Variants in CDYL2 observed in about 807,000 individuals in gnomAD.
CDYL2 encodes chromodomain Y-like protein 2.
Under a neutral mutation model 49.4 loss-of-function variants are expected in CDYL2, and 23 were observed. The observed-to-expected ratio is 0.47, with a 90% CI of 0.34 to 0.66. The LOEUF (loss-of-function observed/expected upper bound fraction) is 0.66, where lower values mean the gene tolerates loss of function less well. CDYL2 is among the 30% of genes least tolerant of loss of function. The pLI, the probability that CDYL2 is intolerant of heterozygous loss-of-function variation, is 0.01. For synonymous variants in CDYL2, 360 were observed against 268.8 expected, an observed-to-expected ratio of 1.34 and a Z score of -3.32; for missense variants, 678 against 656.4, an observed-to-expected ratio of 1.03 and a Z score of -0.36.
In CDYL2 at chr16:80,748,951, A is replaced by G. The variant is rs188352310; in HGVS notation, c.24+55199T>C. On this transcript the variant is annotated intron_variant, in intron 1 of 6. Coordinates refer to ENST00000570137, the MANE Select transcript of CDYL2 (RefSeq NM_152342.4). ...GGCTAATTTTACATTCTTTCTGTAC[A>G]TGGTTGAATATTACCATCGAGAACA... Among the ~76,000 whole-genome samples, 60 of 152,348 alleles carry G rather than the reference A, an allele frequency of 3.9e-4. 1 individual carries two copies. The highest frequency in any genetic ancestry group is 3.5e-3 in the Admixed American group (54 of 15,308).
chr16:80,623,783 T>G (rs1907187442), intron 3 of CDYL2, among the ~76,000 whole-genome samples: 1 of 152,084 alleles, frequency 6.6e-6, no homozygotes, highest in East Asian at 1.9e-4. Flanking sequence ...AAGTCAGACT[T>G]TGGGGACCAT....
At chr16:80,711,195 G>A (rs948984907) in intron 1 of CDYL2, among the ~76,000 whole-genome samples, 7 of 152,206 alleles carry the variant, frequency 4.6e-5, no homozygotes, top group Admixed American at 1.3e-4. Context: ...TTCAAGCGGC[G>A]CTGTTACCAG....
At chr16:80,714,124 A>C (rs1458869315) in intron 1 of CDYL2, among the ~76,000 whole-genome samples, 4 of 152,208 alleles carry the variant, frequency 2.6e-5, no homozygotes, top group African/African-American at 9.7e-5. Context: ...GAATATTTAT[A>C]TATTCAAATG....
intron 1 of CDYL2, among the ~76,000 whole-genome samples, chr16:80,788,960 G>A (rs766777982): frequency 2.0e-5 from 3 of 152,062 alleles, no homozygotes; most frequent in African/African-American, 7.2e-5. Flanking sequence ...CTGGGCAAAG[G>A]ACATGACCAG....
chr16:80,662,525 C>A (rs997695394), intron 2 of CDYL2, among the ~76,000 whole-genome samples: 1 of 152,116 alleles, frequency 6.6e-6, no homozygotes, highest in Non-Finnish European at 1.5e-5. Flanking sequence ...TCATTCAGTA[C>A]ATACTTAGTG....
At chr16:80,659,330 A>G (rs1305212118) in intron 2 of CDYL2, among the ~76,000 whole-genome samples, 2 of 152,240 alleles carry the variant, frequency 1.3e-5, no homozygotes, top group East Asian at 1.9e-4. Flanking sequence ...TAAAGGCATC[A>G]TGGAATTCTA....
intron 2 of CDYL2, among the ~76,000 whole-genome samples, chr16:80,665,599 T>C (rs1449174458): frequency 1.3e-4 from 19 of 150,782 alleles, no homozygotes; most frequent in Admixed American, 9.9e-4. Context: ...AGGCCAGAGA[T>C]GGAGATGTCT....
chr16:80,604,370 C>T lies in CDYL2; in HGVS notation c.*18G>A, dbSNP rs1567535755. The T allele has an allele frequency of 1.2e-6, 2 of 1,613,544 alleles. No homozygotes were observed. The highest frequency in any genetic ancestry group is 1.7e-6 in the Non-Finnish European group (2 of 1,179,806). On this transcript the variant is annotated 3_prime_UTR_variant, in exon 7 of 7. Coordinates refer to ENST00000570137, the MANE Select transcript of CDYL2 (RefSeq NM_152342.4). The stretch of plus-strand genomic sequence containing the variant: ...ACAGGGCAGAGCTGGAAGTTGGGGG[C>T]CCGTGAGCTGGGGCCCCTCAGACTT...
intron 1 of CDYL2, among the ~76,000 whole-genome samples, chr16:80,722,846 C>T (rs1185918415): frequency 6.6e-6 from 1 of 152,168 alleles, no homozygotes; most frequent in Non-Finnish European, 1.5e-5. Flanking sequence ...TACCTGGTGC[C>T]CTAAGCTTCC....
intron 2 of CDYL2, among the ~76,000 whole-genome samples, chr16:80,657,177 AAAATT>A (rs1468856514): frequency 1.3e-5 from 2 of 152,264 alleles, no homozygotes; most frequent in African/African-American, 4.8e-5. Flanking sequence ...TACTCCAAAT[AAAATT>A]AAATTAACAT....
At chr16:80,744,268 G>C (rs147609125) in intron 1 of CDYL2, among the ~76,000 whole-genome samples, 124 of 152,196 alleles carry the variant, frequency 8.1e-4, no homozygotes, top group Middle Eastern at 3.4e-3. Context: ...CTGACATCCT[G>C]CTCCCTAGGC....
intron 1 of CDYL2, among the ~76,000 whole-genome samples, chr16:80,688,482 C>A (rs894268964): frequency 6.6e-6 from 1 of 152,130 alleles, no homozygotes; most frequent in African/African-American, 2.4e-5. Context: ...ATGGATGACT[C>A]CGATACATAT....
chr16:80,788,014 T>G (rs377590362), intron 1 of CDYL2, among the ~76,000 whole-genome samples: 1 of 152,038 alleles, frequency 6.6e-6, no homozygotes, highest in African/African-American at 2.4e-5. Flanking sequence ...TACATGGTAG[T>G]AAAGGAAAAG....
At position 80,738,280 on chromosome 16, in the gene CDYL2, G is replaced by C. The variant is rs572058457; in HGVS notation, c.25-53151C>G. 5.9e-5 allele frequency among the ~76,000 whole-genome samples: 9 copies of C among 152,216 alleles called. No individual in the cohort carries two copies. The South Asian group carries it at 1.2e-3, about 21-fold the overall frequency. ...CCAGTCTATCACTGGTGGGCATTCGGGTTGGTTACAAGTCTTTACTATTTT... is the reference window on the plus strand; with the variant it reads ...CCAGTCTATCACTGGTGGGCATTCGCGTTGGTTACAAGTCTTTACTATTTT... On this transcript the variant is annotated intron_variant, in intron 1 of 6. Transcript: ENST00000570137.
rs1342081611 is a variant in CDYL2, at chr16:80,625,640, C to T, written c.835-4705G>A. Among the ~76,000 whole-genome samples, 4 of 152,256 alleles carry T rather than the reference C, an allele frequency of 2.6e-5. No individual in the cohort carries two copies. The East Asian group carries it at 5.8e-4, about 22-fold the overall frequency. On this transcript the variant is annotated intron_variant, in intron 3 of 6. Coordinates refer to ENST00000570137, the MANE Select transcript of CDYL2 (RefSeq NM_152342.4). ...GCTAAGCAATAGAAATAACAATACA[C>T]GCAAGCACAGACATATCATATTTAA... is the stretch of plus-strand genomic sequence containing the variant.
At chr16:80,625,273 T>C (rs1186707434) in intron 3 of CDYL2, among the ~76,000 whole-genome samples, 3 of 152,226 alleles carry the variant, frequency 2.0e-5, no homozygotes, top group Admixed American at 2.0e-4. Context: ...CCACCCACAT[T>C]CCTTGGTTCC....
chr16:80,710,783 T>A (rs1022667901), intron 1 of CDYL2, among the ~76,000 whole-genome samples: 3 of 152,166 alleles, frequency 2.0e-5, no homozygotes, highest in Admixed American at 1.3e-4. Context: ...GTGTTTAAAT[T>A]TTTTTAAAAG....
intron 1 of CDYL2, among the ~76,000 whole-genome samples, chr16:80,801,282 T>G (rs1394862099): frequency 6.6e-6 from 1 of 152,242 alleles, no homozygotes; most frequent in Non-Finnish European, 1.5e-5. Context: ...GAACTATCTA[T>G]CAAGATCCAA....
At position 80,761,298 on chromosome 16, in the gene CDYL2, C is replaced by A. The variant is rs374894459; in HGVS notation, c.24+42852G>T. The stretch of plus-strand genomic sequence containing the variant: ...CTGGGTTCCAATCTATCACTGAGGA[C>A]CTGTGTGACTTTGGAAAAGTTATTT... On this transcript the variant is annotated intron_variant, in intron 1 of 6. Coordinates refer to ENST00000570137, the MANE Select transcript of CDYL2 (RefSeq NM_152342.4). 4.5e-4 allele frequency among the ~76,000 whole-genome samples: 68 copies of A among 152,296 alleles called. No homozygotes were observed. In the Middle Eastern group the frequency reaches 0.01, roughly 23 times the overall value.
Sources: gnomAD v4.1 joint callset for allele counts (sites outside exome capture counted in the v4.1 genomes callset) on GRCh38, gnomAD v4.1.1 for gene constraint, MANE v1.5 for transcripts, NCBI Gene and HGNC (gene_info 2026-07-23, HGNC 2026-07-21) for gene names.